The following CLDN16 variants were observed in gnomAD, a reference collection of about 807,000 sequenced individuals.
CLDN16 encodes claudin-16.
CLDN16 carries 13 observed loss-of-function variants against 24.6 expected under a neutral mutation model. That is an observed-to-expected ratio of 0.53 (90% CI 0.34 to 0.84). CLDN16 has a LOEUF of 0.84. Ranked by LOEUF, CLDN16 falls within the 40% of genes least tolerant of loss-of-function variation. CLDN16 has a pLI of 0.01. For synonymous variants in CLDN16, 116 were observed against 106.7 expected, an observed-to-expected ratio of 1.09 and a Z score of -0.54; for missense variants, 298 against 292.7, an observed-to-expected ratio of 1.02 and a Z score of -0.13.
chr3:190,302,428 CACCAT>C, the CLDN16 span, among the ~76,000 whole-genome samples: 1 of 152,108 alleles, frequency 6.6e-6, no homozygotes, highest in Non-Finnish European at 1.5e-5. Context: ...ACTCCAGGGG[CACCAT>C]TTCCATTATT....
At chr3:190,339,873 A>G in intron 1 of CLDN16, among the ~76,000 whole-genome samples, 1 of 152,252 alleles carries the variant, frequency 6.6e-6, no homozygotes, top group East Asian at 1.9e-4. Context: ...AAGAAAAACT[A>G]TAGGACAATA....
At chr3:190,350,401 TC>T (rs1717647155) in intron 1 of CLDN16, among the ~76,000 whole-genome samples, 2 of 150,970 alleles carry the variant, frequency 1.3e-5, no homozygotes, top group African/African-American at 4.9e-5. Context: ...TTGTTACTTA[TC>T]ATATTAAAGA....
At chr3:190,294,631 A>G in the CLDN16 span, among the ~76,000 whole-genome samples, 4 of 152,246 alleles carry the variant, frequency 2.6e-5, no homozygotes, top group East Asian at 5.8e-4. Context: ...ATTTTACACA[A>G]ATTATTAATA....
chr3:190,341,793 A>G (rs1307417659), intron 1 of CLDN16, among the ~76,000 whole-genome samples: 1 of 152,180 alleles, frequency 6.6e-6, no homozygotes, highest in Non-Finnish European at 1.5e-5. Flanking sequence ...GAATGCATTT[A>G]ACAGCACTCA....
At chr3:190,392,884 C>T (rs1019472601) in intron 1 of CLDN16, among the ~76,000 whole-genome samples, 4 of 152,068 alleles carry the variant, frequency 2.6e-5, no homozygotes, top group East Asian at 3.9e-4. Flanking sequence ...AAGGGTTTGT[C>T]GCTGTAAGCA....
intron 1 of CLDN16, among the ~76,000 whole-genome samples, chr3:190,361,719 A>ATT (rs140974461): frequency 6.7e-5 from 10 of 149,938 alleles, no homozygotes; most frequent in African/African-American, 1.7e-4. Flanking sequence ...CCAAGAAATC[A>ATT]TTTTTTTTTT....
intron 1 of CLDN16, among the ~76,000 whole-genome samples, chr3:190,362,283 A>T (rs1160361930): frequency 6.6e-6 from 1 of 151,904 alleles, no homozygotes; most frequent in Non-Finnish European, 1.5e-5. Flanking sequence ...AGTGCTTGAG[A>T]TATTTTGCAG....
At chr3:190,310,275 GAC>G in the CLDN16 span, 1 of 1,583,964 alleles carries the variant, frequency 6.3e-7, no homozygotes, top group Non-Finnish European at 8.7e-7. Flanking sequence ...CAAAACAAAA[GAC>G]TGTTAATCAC....
At chr3:190,290,702 G>A in the CLDN16 span, among the ~76,000 whole-genome samples, 1 of 152,144 alleles carries the variant, frequency 6.6e-6, no homozygotes, top group African/African-American at 2.4e-5. Flanking sequence ...AAGGATGTAG[G>A]AAAATCACAG....
the CLDN16 span, among the ~76,000 whole-genome samples, chr3:190,301,109 G>C: frequency 2.0e-5 from 3 of 152,086 alleles, no homozygotes; most frequent in South Asian, 6.2e-4. Flanking sequence ...CTCTTTTCTT[G>C]AAATCCTTTT....
the CLDN16 span, among the ~76,000 whole-genome samples, chr3:190,295,170 C>G: frequency 6.6e-6 from 1 of 152,134 alleles, no homozygotes; most frequent in Non-Finnish European, 1.5e-5. Context: ...GATACTTTCT[C>G]ATTTCTCTGA....
At chr3:190,371,489 A>C (rs982934206) in intron 2 of CLDN16, among the ~76,000 whole-genome samples, 1 of 151,924 alleles carries the variant, frequency 6.6e-6, no homozygotes, top group Non-Finnish European at 1.5e-5. Flanking sequence ...TAAGTCATAG[A>C]CCAATAGTCC....
the CLDN16 span, among the ~76,000 whole-genome samples, chr3:190,303,485 G>T: frequency 6.6e-6 from 1 of 152,148 alleles, no homozygotes; most frequent in Admixed American, 6.6e-5. Flanking sequence ...TTGGTGTGTG[G>T]GGGGGTTTGG....
chr3:190,362,536 T>C (rs532498624), intron 1 of CLDN16, among the ~76,000 whole-genome samples: 2 of 152,088 alleles, frequency 1.3e-5, no homozygotes, highest in East Asian at 1.9e-4. Flanking sequence ...AAAACTCCAG[T>C]ATCCCGCAGA....
chr3:190,335,029 T>TC (rs201863430), intron 1 of CLDN16, among the ~76,000 whole-genome samples: 14 of 113,544 alleles, frequency 1.2e-4, no homozygotes, highest in Middle Eastern at 5.7e-3. Flanking sequence ...TTTTCTTTTT[T>TC]TTTTTTTTTG....
chr3:190,314,390 A>G, the CLDN16 span, among the ~76,000 whole-genome samples: 1 of 152,046 alleles, frequency 6.6e-6, no homozygotes, highest in Non-Finnish European at 1.5e-5. Flanking sequence ...AAATTATAGT[A>G]ATCTCTTTAT....
At chr3:190,351,092 G>T (rs1374207458) in intron 1 of CLDN16, among the ~76,000 whole-genome samples, 1 of 151,952 alleles carries the variant, frequency 6.6e-6, no homozygotes, top group African/African-American at 2.4e-5. Flanking sequence ...AAATCCGGTT[G>T]TGTAAAAGAC....
chr3:190,369,818 A>G (rs1285181110), intron 1 of CLDN16, among the ~76,000 whole-genome samples: 2 of 151,944 alleles, frequency 1.3e-5, no homozygotes, highest in Non-Finnish European at 2.9e-5. Context: ...GAATGGCTGA[A>G]AAACTGACTA....
intron 1 of CLDN16, among the ~76,000 whole-genome samples, chr3:190,390,804 T>C (rs893725389): frequency 2.6e-5 from 4 of 152,142 alleles, no homozygotes; most frequent in Admixed American, 2.0e-4. Flanking sequence ...TATTTTTTTA[T>C]AGATTTGGTC....
Sources: allele counts gnomAD v4.1 joint callset (sites outside exome capture counted in the v4.1 genomes callset), GRCh38; gene constraint gnomAD v4.1.1; transcripts MANE v1.5; gene names NCBI Gene and HGNC (gene_info 2026-07-23, HGNC 2026-07-21).